Variants in IRAG1 observed in about 807,000 individuals in gnomAD.
IRAG1 encodes the protein inositol 1,4,5-triphosphate receptor associated 1, also known as IP3R-associated cGMP kinase substrate.
IRAG1 carries 62 observed loss-of-function variants against 106.2 expected under a neutral mutation model. The observed-to-expected ratio is 0.58, with a 90% confidence interval of 0.48 to 0.72. IRAG1 has a LOEUF of 0.72. Among genes scored for constraint, IRAG1 ranks in the 30% least tolerant of loss-of-function variants. The probability of loss-of-function intolerance (pLI) is 0.00; values close to 1 mark genes in which losing one functional copy is unlikely to be tolerated. For missense variants in IRAG1, 1,064 were observed against 1,140.7 expected, an observed-to-expected ratio of 0.93 and a Z score of 0.97; for synonymous variants, 462 against 443.9, an observed-to-expected ratio of 1.04 and a Z score of -0.51.
At chr11:10,660,679 G>T (rs1485617088) in intron 1 of IRAG1, among the ~76,000 whole-genome samples, 1 of 152,126 alleles carries the variant, frequency 6.6e-6, no homozygotes, top group Non-Finnish European at 1.5e-5. Context: ...AATTGTCTTT[G>T]GACAACTTTT....
rs371956442 is a variant in IRAG1, at chr11:10,626,300, G to A, written c.1034C>T (p.Pro345Leu). 75 of 1,612,852 alleles carry A rather than the reference G, an allele frequency of 4.7e-5. No homozygotes were observed. The highest frequency in any genetic ancestry group is 6.6e-5 in the South Asian group (6 of 90,828). ...TGCCGCATCCTGGGTTGGACTTCTC[G>A]GCAGAGGGCTGCCCTCCCAGCCCGT... ...LKTGWEGSPL[P>L]RSPTQDAAGV... The change falls in exon 9 of 21, where the codon CCG becomes CTG. Residue 345 changes from proline (P) to leucine (L), a missense_variant. Pro to Leu is a moderately conservative substitution (Grantham distance 98). Transcript: ENST00000423302.
chr11:10,576,697 C>G, intron 20 of IRAG1, 122 bp from the exon 21 acceptor site: 2 of 1,273,818 alleles, frequency 1.6e-6, no homozygotes, highest in South Asian at 2.7e-5. Flanking sequence ...TCAAACTTAG[C>G]TGTGCCTAGA....
intron 2 of IRAG1, among the ~76,000 whole-genome samples, chr11:10,651,586 A>C (rs1252700570): frequency 6.6e-6 from 1 of 152,206 alleles, no homozygotes; most frequent in Non-Finnish European, 1.5e-5. Flanking sequence ...CCTTTCTATA[A>C]TAAAATTTCA....
At chr11:10,634,401 C>G (rs983701738) in intron 2 of IRAG1, among the ~76,000 whole-genome samples, 5 of 152,300 alleles carry the variant, frequency 3.3e-5, no homozygotes, top group Non-Finnish European at 5.9e-5. Context: ...CACATAGTTA[C>G]CTTTTTGTGT....
At position 10,576,322 on chromosome 11, in the gene IRAG1, G is replaced by A. The variant is rs779400031; in HGVS notation, c.*10C>T. On this transcript the variant is annotated 3_prime_UTR_variant, in exon 21 of 21. Coordinates refer to ENST00000423302, the MANE Select transcript of IRAG1 (RefSeq NM_130385.4). Reference sequence around the variant, plus strand: ...TCTCAGAGCAGGGCACTGGCTAGGTGTGAGGTTTCCTACTGCTCTGTAGGC... The same window carrying A: ...TCTCAGAGCAGGGCACTGGCTAGGTATGAGGTTTCCTACTGCTCTGTAGGC... 3 of 1,613,342 alleles carry A rather than the reference G, an allele frequency of 1.9e-6. No homozygotes were observed. The highest frequency in any genetic ancestry group is 1.3e-5 in the African/African-American group (1 of 74,922).
intron 17 of IRAG1, among the ~76,000 whole-genome samples, chr11:10,592,048 T>C (rs1435953328): frequency 6.6e-6 from 1 of 152,218 alleles, no homozygotes; most frequent in Non-Finnish European, 1.5e-5. Context: ...TCTCAGGAGA[T>C]GCAAATCACT....
chr11:10,581,804 C>G, intron 19 of IRAG1, 63 bp downstream of exon 19: 1 of 1,580,540 alleles, frequency 6.3e-7, no homozygotes, highest in Non-Finnish European at 8.6e-7. Flanking sequence ...ACAAGAAAGA[C>G]CCATGGGAAG....
At chr11:10,611,546 C>T (rs1854962505) in intron 10 of IRAG1, 2 of 152,108 alleles carry the variant, frequency 1.3e-5, no homozygotes, top group African/African-American at 4.8e-5. Context: ...AGGAACCAAC[C>T]ACCTTCCTCC....
At chr11:10,609,954 T>C (rs754455252) in intron 10 of IRAG1, 103 bp from the exon 11 acceptor site, 18 of 1,105,574 alleles carry the variant, frequency 1.6e-5, no homozygotes, top group East Asian at 2.5e-5. Context: ...TCTAGTTCTA[T>C]GTTAAGGGCT....
At position 10,647,228 on chromosome 11, in the gene IRAG1, G is replaced by A. The variant is rs1858026439; in HGVS notation, c.225+4797C>T. Among the ~76,000 whole-genome samples, 1 of 152,188 alleles carries A rather than the reference G, an allele frequency of 6.6e-6. No homozygotes were observed. Among genetic ancestry groups the A allele is most frequent in the African/African-American group, 2.4e-5 (1 of 41,448 alleles). Reference sequence around the variant, plus strand: ...CGGGTATGGACTAAGCATGGGCTTTGGGGTCAGGCTGCCTGGGCCCAGATC... The same window carrying A: ...CGGGTATGGACTAAGCATGGGCTTTAGGGTCAGGCTGCCTGGGCCCAGATC... On this transcript the variant is annotated intron_variant, in intron 2 of 20. Transcript: ENST00000423302. This position sits in a 1 kb window ranked among gnomAD's most constrained non-coding sequence, Gnocchi z 4.3.
chr11:10,690,753 C>T (rs1327556001), intron 1 of IRAG1, among the ~76,000 whole-genome samples: 1 of 152,170 alleles, frequency 6.6e-6, no homozygotes, highest in Non-Finnish European at 1.5e-5. Flanking sequence ...CAGCTGTATG[C>T]CTCTCTCCTC....
chr11:10,633,246 TC>T (rs756407976), intron 3 of IRAG1, among the ~76,000 whole-genome samples: 14 of 152,168 alleles, frequency 9.2e-5, no homozygotes, highest in Admixed American at 5.2e-4. Flanking sequence ...GGCTAATTTT[TC>T]TGTATTTGTA....
chr11:10,646,870 G>A (rs1230864135), intron 2 of IRAG1, among the ~76,000 whole-genome samples: 1 of 152,068 alleles, frequency 6.6e-6, no homozygotes, highest in Admixed American at 6.5e-5. Context: ...CTTCCTCAAT[G>A]TGTCCATGTC....
intron 10 of IRAG1, 76 bp downstream of exon 10, chr11:10,623,702 T>G (rs892895710): frequency 7.4e-7 from 1 of 1,357,746 alleles, no homozygotes; most frequent in African/African-American, 1.4e-5. Flanking sequence ...GTCTTGTGTT[T>G]ACACATTCAC....
At position 10,657,575 on chromosome 11, in the gene IRAG1, T is replaced by C. The variant is rs1859022086; in HGVS notation, c.68-5393A>G. On this transcript the variant is annotated intron_variant, in intron 1 of 20. Coordinates refer to ENST00000423302, the MANE Select transcript of IRAG1 (RefSeq NM_130385.4). The surrounding 1 kb of genome is among the most constrained non-coding windows in gnomAD (Gnocchi z 4.1). ...CGGGAAACCATGGGTTAACCTAGCCTCCACTGACCTTTCTGGAGTGACTCA... is the reference window on the plus strand; with the variant it reads ...CGGGAAACCATGGGTTAACCTAGCCCCCACTGACCTTTCTGGAGTGACTCA... 6.6e-6 allele frequency among the ~76,000 whole-genome samples: 1 copy of C among 152,244 alleles called. No individual in the cohort carries two copies.
chr11:10,632,135 ATTCTTT>A lies in IRAG1; in HGVS notation c.330-80_330-75del, dbSNP rs559160281. 9.5e-3 allele frequency: 8,955 copies of A among 943,770 alleles called. 90 individuals are homozygous for A. The highest frequency in any genetic ancestry group is 0.011 in the Non-Finnish European group (6,630 of 597,146). 58.5% of individuals were successfully genotyped at this position (943,770 alleles called of 1,614,324 possible). A position where few individuals can be genotyped will look rare whatever the true frequency, so the allele number is the denominator to read the frequency against. The stretch of plus-strand genomic sequence containing the variant: ...AAAATAGGTGAAAAGATGCCTGTAT[ATTCTTT>A]TTCTTTTTCTTTCTTTCTTTCTTTG... On this transcript the variant is annotated intron_variant, in intron 3 of 20. Coordinates refer to ENST00000423302, the MANE Select transcript of IRAG1 (RefSeq NM_130385.4).
chr11:10,607,611 G>A (rs1339975706), intron 11 of IRAG1, among the ~76,000 whole-genome samples: 2 of 150,242 alleles, frequency 1.3e-5, no homozygotes, highest in Non-Finnish European at 1.5e-5. Flanking sequence ...GTGCTGGGGC[G>A]GGGAGGCCTG....
intron 2 of IRAG1, among the ~76,000 whole-genome samples, chr11:10,640,552 G>A (rs754392239): frequency 6.6e-6 from 1 of 152,186 alleles, no homozygotes; most frequent in African/African-American, 2.4e-5. Context: ...TCTTGTGGGG[G>A]CTGTTTTTCA....
intron 13 of IRAG1, among the ~76,000 whole-genome samples, chr11:10,603,788 A>G (rs1032768015): frequency 6.6e-6 from 1 of 151,892 alleles, no homozygotes; most frequent in Non-Finnish European, 1.5e-5. Flanking sequence ...TATAAAAGGG[A>G]CCCCAGAGAG....
Sources: allele counts gnomAD v4.1 joint callset (sites outside exome capture counted in the v4.1 genomes callset), GRCh38; gene constraint gnomAD v4.1.1; non-coding constraint Gnocchi (gnomAD v3.1); transcripts MANE v1.5; gene names NCBI Gene and HGNC (gene_info 2026-07-23, HGNC 2026-07-21).